Variants in GDF2 observed in about 807,000 individuals in gnomAD.
GDF2 encodes the protein growth differentiation factor 2.
In GDF2, 17 loss-of-function variants were observed where a neutral mutation model predicts 16.9. The observed-to-expected ratio is 1.00, with a 90% CI of 0.69 to 1.51. The LOEUF is 1.51. Among genes scored for constraint, GDF2 ranks in the 40% most tolerant of loss-of-function variants. GDF2 has a pLI of 0.00. For missense variants in GDF2, 523 were observed against 556.3 expected (o/e 0.94, Z 0.60); for synonymous variants, 276 against 237.6 (o/e 1.16, Z -1.49).
intron 1 of GDF2, among the ~76,000 whole-genome samples, chr10:47,324,461 T>C (rs2061096093): frequency 6.6e-6 from 1 of 152,220 alleles, no homozygotes; most frequent in Non-Finnish European, 1.5e-5. Context: ...ACTAGCTGTA[T>C]GCATTTTGGC....
rs1378069013 is a variant in GDF2, at chr10:47,326,725, T to C, written c.*941T>C. 6.6e-6 allele frequency among the ~76,000 whole-genome samples: 1 copy of C among 152,176 alleles called. No homozygotes were observed. The highest frequency in any genetic ancestry group is 1.5e-5 in the Non-Finnish European group (1 of 68,022). ...ATTCACTGTCCATAGACTGAAACCA[T>C]GTGACCATTTGAGAGGGCCGGGCAC... On this transcript the variant is annotated 3_prime_UTR_variant, in exon 2 of 2. Transcript: ENST00000581492.
chr10:47,325,518 G>A lies in GDF2; in HGVS notation c.1024G>A (p.Asp342Asn), dbSNP rs1264457543. The change falls in exon 2 of 2, where the codon GAC becomes AAC. Residue 342 changes from aspartate (D) to asparagine (N), a missense_variant. Physicochemically the swap from Asp to Asn is conservative, Grantham distance 23. Transcript: ENST00000581492. ...LRVNFEDIGW[D>N]SWIIAPKEYE... ...GGTAAACTTCGAGGACATCGGCTGG[G>A]ACAGCTGGATCATTGCACCCAAGGA... 5.0e-6 allele frequency: 8 copies of A among 1,613,826 alleles called. No homozygotes were observed. The highest frequency in any genetic ancestry group is 5.9e-6 in the Non-Finnish European group (7 of 1,180,050).
In GDF2 at chr10:47,325,738, A is replaced by G. The variant is rs1555209096; in HGVS notation, c.1244A>G (p.Lys415Arg). ...YKDDMGVPTL[K>R]YHYEGMSVAE... ...GATGACATGGGGGTGCCCACCCTCA[A>G]GTACCATTACGAGGGCATGAGCGTG... Residue 415 changes from lysine to arginine, a missense_variant, in exon 2 of 2, where the codon AAG becomes AGG. Coordinates refer to ENST00000581492, the MANE Select transcript of GDF2 (RefSeq NM_016204.4). The G allele has an allele frequency of 1.3e-6, 2 of 1,572,086 alleles. No individual in the cohort carries two copies. The highest frequency in any genetic ancestry group is 1.4e-5 in the African/African-American group (1 of 74,026).
In GDF2 at chr10:47,325,927, A is replaced by G; in HGVS notation, c.*143A>G. 1 of 611,588 alleles carries G rather than the reference A, an allele frequency of 1.6e-6. No homozygotes were observed. The highest frequency in any genetic ancestry group is 2.7e-5 in the South Asian group (1 of 37,476). 37.9% of individuals were successfully genotyped at this position (611,588 alleles called of 1,614,324 possible). On this transcript the variant is annotated 3_prime_UTR_variant, in exon 2 of 2. Transcript: ENST00000581492. ...AGCCTGCTCTCCCTCCCCACACCCC[A>G]CCCAAAGCATACACCGCTGAGCTCA...
In GDF2 at chr10:47,325,917, C is replaced by A; in HGVS notation, c.*133C>A. ...GAGGAAAGGGAGCCTGCTCTCCCTC[C>A]CCACACCCCACCCAAAGCATACACC... On this transcript the variant is annotated 3_prime_UTR_variant, in exon 2 of 2. Coordinates refer to ENST00000581492, the MANE Select transcript of GDF2 (RefSeq NM_016204.4). 1.6e-6 allele frequency: 1 copy of A among 639,260 alleles called. No individual in the cohort carries two copies. The highest frequency in any genetic ancestry group is 2.6e-6 in the Non-Finnish European group (1 of 384,708). 39.6% of individuals were successfully genotyped at this position (639,260 alleles called of 1,614,324 possible).
intron 1 of GDF2, among the ~76,000 whole-genome samples, chr10:47,324,473 A>G (rs1323629359): frequency 6.6e-6 from 1 of 152,194 alleles, no homozygotes; most frequent in Non-Finnish European, 1.5e-5. Context: ...CATTTTGGCA[A>G]TTAACTGCCT....
rs782115480 is a variant in GDF2 at position 47,324,976 on chromosome 10, A to C, written c.482A>C (p.Asp161Ala). The C allele has an allele frequency of 6.2e-7, 1 of 1,614,026 alleles. No homozygotes were observed. Among genetic ancestry groups the C allele is most frequent in the Admixed American group, 1.7e-5 (1 of 60,024 alleles). The part of the protein sequence containing the change: ...RLYVSCQNHV[D>A]PSHDLKGSVV... ...TATGTCTCCTGTCAAAATCACGTGGACCCCTCTCATGACCTGAAAGGAAGC... is the reference window on the plus strand; with the variant it reads ...TATGTCTCCTGTCAAAATCACGTGGCCCCCTCTCATGACCTGAAAGGAAGC... The change falls in exon 2 of 2, where the codon GAC (aspartate) becomes GCC (alanine). Residue 161 changes from aspartate to alanine, a missense_variant. Physicochemically the swap from Asp to Ala is moderately radical, Grantham distance 126. Coordinates refer to ENST00000581492, the MANE Select transcript of GDF2 (RefSeq NM_016204.4).
chr10:47,323,585 T>C (rs1320037679), intron 1 of GDF2, among the ~76,000 whole-genome samples: 3 of 152,228 alleles, frequency 2.0e-5, no homozygotes, highest in Non-Finnish European at 4.4e-5. Flanking sequence ...AGAACCTAAT[T>C]GTTTTTAAAT....
chr10:47,322,612 C>G lies in GDF2; in HGVS notation c.-57C>G, dbSNP rs186424056. On this transcript the variant is annotated 5_prime_UTR_variant, in exon 1 of 2. Transcript: ENST00000581492. Reference sequence around the variant, plus strand: ...CTCCTTCCCAGCTCCTCCCCGTGCCCGCTAACACAGCACGGCCGCCTGCAG... The same window carrying G: ...CTCCTTCCCAGCTCCTCCCCGTGCCGGCTAACACAGCACGGCCGCCTGCAG... 3.5e-4 allele frequency: 461 copies of G among 1,313,976 alleles called. 2 individuals are homozygous for G. The African/African-American group carries it at 5.7e-3, about 16-fold the overall frequency. The allele number at this position is 1,313,976 out of a possible 1,614,324, so 81.4% of individuals were successfully genotyped here. A position where few individuals can be genotyped will look rare whatever the true frequency, so the allele number is the denominator to read the frequency against.
At chr10:47,324,727 TA>T in intron 1 of GDF2, 113 bp from the exon 2 acceptor site, 1 of 696,400 alleles carries the variant, frequency 1.4e-6, no homozygotes, top group Non-Finnish European at 2.4e-6. Flanking sequence ...ATAGAGATAA[TA>T]CAGACCAAAA....
At chr10:47,324,100 A>G (rs2061094985) in intron 1 of GDF2, among the ~76,000 whole-genome samples, 1 of 152,256 alleles carries the variant, frequency 6.6e-6, no homozygotes, top group African/African-American at 2.4e-5. Context: ...TGCTAATGAC[A>G]AAGTGTCAGC....
Position 47,322,756 on chromosome 10 carries a change from C to T in GDF2, c.88C>T (p.Arg30Ter), listed in dbSNP as rs782274691. ...LQGKPLQSWG[R>*]GSAGGNAHSP... ...GGGGAAGCCACTGCAGAGCTGGGGA[C>T]GAGGGTCTGCTGGGGGAAACGCCCA... The change falls in exon 1 of 2, where the codon CGA becomes TGA. Residue 30 changes from arginine (R) to a stop codon, truncating the protein, a stop_gained. Coordinates refer to ENST00000581492, the MANE Select transcript of GDF2 (RefSeq NM_016204.4). LOFTEE classifies it high-confidence loss of function. 5.0e-6 allele frequency: 8 copies of T among 1,611,762 alleles called. No individual in the cohort carries two copies. Among genetic ancestry groups the T allele is most frequent in the South Asian group, 2.2e-5 (2 of 90,952 alleles).
chr10:47,324,156 G>A (rs782803466), intron 1 of GDF2, among the ~76,000 whole-genome samples: 1 of 152,242 alleles, frequency 6.6e-6, no homozygotes, highest in Non-Finnish European at 1.5e-5. Flanking sequence ...TAAAAGCCAA[G>A]CCCCATTTTT....
In GDF2 at chr10:47,322,641, C is replaced by T; in HGVS notation, c.-28C>T. ...AACACAGCACGGCCGCCTGCAGTCT[C>T]CTCTCTGGGTGATTGCGCGGGCCTA... On this transcript the variant is annotated 5_prime_UTR_variant, in exon 1 of 2. Coordinates refer to ENST00000581492, the MANE Select transcript of GDF2 (RefSeq NM_016204.4). 1 of 1,454,836 alleles carries T rather than the reference C, an allele frequency of 6.9e-7. No homozygotes were observed. Among genetic ancestry groups the T allele is most frequent in the Non-Finnish European group, 9.2e-7 (1 of 1,090,726 alleles). 90.1% of individuals were successfully genotyped at this position (1,454,836 alleles called of 1,614,324 possible).
In GDF2 at chr10:47,325,460, G is replaced by C. The variant is rs1555209053; in HGVS notation, c.966G>C (p.Gly322=). Residue 322 remains glycine (G), a synonymous_variant, in exon 2 of 2, where the codon GGG becomes GGC. Coordinates refer to ENST00000581492, the MANE Select transcript of GDF2 (RefSeq NM_016204.4). ...STLARRKRSA[G]AGSHCQKTSL... ...TAGCCAGGCGGAAAAGGAGCGCCGG[G>C]GCTGGCAGCCACTGTCAAAAGACCT... 1.2e-6 allele frequency: 2 copies of C among 1,613,810 alleles called. No individual in the cohort carries two copies. Among genetic ancestry groups the C allele is most frequent in the Non-Finnish European group, 1.7e-6 (2 of 1,180,044 alleles).
intron 1 of GDF2, among the ~76,000 whole-genome samples, chr10:47,323,447 C>T (rs1387054845): frequency 1.3e-5 from 2 of 152,168 alleles, no homozygotes; most frequent in African/African-American, 4.8e-5. Context: ...TACTTCAGAA[C>T]AGAACAGGCA....
intron 1 of GDF2, 135 bp from the exon 2 acceptor site, chr10:47,324,706 G>A (rs1555208850): frequency 6.4e-6 from 4 of 620,274 alleles, no homozygotes; most frequent in South Asian, 3.9e-5. Context: ...TAAGGGCTTG[G>A]GTGAAACCAA....
At position 47,326,026 on chromosome 10, in the gene GDF2, G is replaced by A. The variant is rs977302323; in HGVS notation, c.*242G>A. ...CCTGGGAGGGTTGTTGGGATGCAAGGAGGTGATGAAAAGGAGACAGGGGGA... is the reference window on the plus strand; with the variant it reads ...CCTGGGAGGGTTGTTGGGATGCAAGAAGGTGATGAAAAGGAGACAGGGGGA... On this transcript the variant is annotated 3_prime_UTR_variant, in exon 2 of 2. Coordinates refer to ENST00000581492, the MANE Select transcript of GDF2 (RefSeq NM_016204.4). 8 of 424,906 alleles carry A rather than the reference G, an allele frequency of 1.9e-5. No individual in the cohort carries two copies. The highest frequency in any genetic ancestry group is 3.3e-5 in the Non-Finnish European group (8 of 240,962). 26.3% of individuals were successfully genotyped at this position (424,906 alleles called of 1,614,324 possible). A position where few individuals can be genotyped will look rare whatever the true frequency, so the allele number is the denominator to read the frequency against.
chr10:47,322,635 C>A lies in GDF2; in HGVS notation c.-34C>A. 7.0e-7 allele frequency: 1 copy of A among 1,423,556 alleles called. No individual in the cohort carries two copies. Among genetic ancestry groups the A allele is most frequent in the Non-Finnish European group, 9.4e-7 (1 of 1,068,096 alleles). The allele number at this position is 1,423,556 out of a possible 1,614,324, so 88.2% of individuals were successfully genotyped here. A position where few individuals can be genotyped will look rare whatever the true frequency, so the allele number is the denominator to read the frequency against. ...CCCGCTAACACAGCACGGCCGCCTG[C>A]AGTCTCCTCTCTGGGTGATTGCGCG... On this transcript the variant is annotated 5_prime_UTR_variant, in exon 1 of 2. Coordinates refer to ENST00000581492, the MANE Select transcript of GDF2 (RefSeq NM_016204.4).
Sources: allele counts gnomAD v4.1 joint callset (sites outside exome capture counted in the v4.1 genomes callset), GRCh38; gene constraint gnomAD v4.1.1; transcripts MANE v1.5; gene names NCBI Gene and HGNC (gene_info 2026-07-23, HGNC 2026-07-21).